Variants in STON2 observed in about 807,000 individuals in gnomAD.
STON2 encodes the protein stonin 2.
STON2 carries 29 observed loss-of-function variants against 65.7 expected under a neutral mutation model. That is an observed-to-expected ratio of 0.44 (90% confidence interval 0.33 to 0.60). The LOEUF is 0.60. Among genes scored for constraint, STON2 ranks in the 20% least tolerant of loss-of-function variants. The probability of loss-of-function intolerance (pLI) is 0.03; values close to 1 mark genes in which losing one functional copy is unlikely to be tolerated. For missense variants in STON2, 1,054 were observed against 1,118.1 expected, an observed-to-expected ratio of 0.94 and a Z score of 0.82; for synonymous variants, 404 against 414.2, an observed-to-expected ratio of 0.98 and a Z score of 0.30.
At chr14:81,310,275 C>A (rs1265544165) in intron 5 of STON2, among the ~76,000 whole-genome samples, 1 of 152,088 alleles carries the variant, frequency 6.6e-6, no homozygotes, top group East Asian at 1.9e-4. Context: ...AAATATAGTA[C>A]CATCCTGCAG....
intron 4 of STON2, chr14:81,333,374 T>C: frequency 2.1e-6 from 1 of 471,534 alleles, no homozygotes; most frequent in East Asian, 3.8e-5. Flanking sequence ...TGGCGGTCTA[T>C]CCTCAGACAG....
intron 5 of STON2, among the ~76,000 whole-genome samples, chr14:81,285,895 C>A (rs1345426993): frequency 6.6e-6 from 1 of 152,202 alleles, no homozygotes; most frequent in Non-Finnish European, 1.5e-5. Flanking sequence ...TGCCTGTAAT[C>A]CCAGCATTTT....
Position 81,339,875 on chromosome 14 carries a change from C to T in STON2, c.572-15688G>A, listed in dbSNP as rs1393386543. Among the ~76,000 whole-genome samples, 3 of 152,358 alleles carry T rather than the reference C, an allele frequency of 2.0e-5. No individual in the cohort carries two copies. In the East Asian group the frequency reaches 5.8e-4, roughly 29 times the overall value. ...GACTCTCAAAATAAGCTGAGTAACG[C>T]TGGGCGTGGTGGCTCACGCCTGTAA... On this transcript the variant is annotated intron_variant, in intron 4 of 7. Coordinates refer to ENST00000614646, the MANE Select transcript of STON2 (RefSeq NM_001394390.1).
At chr14:81,341,430 T>A (rs1897603059) in intron 4 of STON2, among the ~76,000 whole-genome samples, 1 of 150,376 alleles carries the variant, frequency 6.6e-6, no homozygotes, top group East Asian at 2.0e-4. Flanking sequence ...GCTTTATATT[T>A]CCTCATTTTA....
chr14:81,331,501 G>A (rs1465912971), intron 4 of STON2, among the ~76,000 whole-genome samples: 5 of 152,274 alleles, frequency 3.3e-5, no homozygotes, highest in African/African-American at 1.2e-4. Context: ...ATACTACTGG[G>A]AGGGGGGGTA....
At chr14:81,390,930 TG>T (rs1403052687) in intron 3 of STON2, among the ~76,000 whole-genome samples, 1 of 152,258 alleles carries the variant, frequency 6.6e-6, no homozygotes, top group Non-Finnish European at 1.5e-5. Context: ...TCCTTGGCTG[TG>T]GCTTCATCAC....
intron 5 of STON2, among the ~76,000 whole-genome samples, chr14:81,296,891 TTTCTTAAGA>T (rs1215290756): frequency 2.0e-4 from 31 of 152,156 alleles, no homozygotes; most frequent in Non-Finnish European, 4.3e-4. Flanking sequence ...TATCTAAAAC[TTTCTTAAGA>T]TTTCTGATTA....
chr14:81,390,283 T>C (rs189445004), intron 3 of STON2, among the ~76,000 whole-genome samples: 1 of 152,060 alleles, frequency 6.6e-6, no homozygotes, highest in East Asian at 1.9e-4. Context: ...GCAGCACAGG[T>C]TGGCTCTGGT....
chr14:81,306,218 C>T, intron 5 of STON2, among the ~76,000 whole-genome samples: 1 of 36,954 alleles, frequency 2.7e-5, no homozygotes, highest in Admixed American at 3.3e-4. Context: ...CACATACATA[C>T]TCTTTTTTTT....
chr14:81,271,475 G>A (rs186659829), intron 6 of STON2, among the ~76,000 whole-genome samples: 94 of 152,298 alleles, frequency 6.2e-4, no homozygotes, highest in African/African-American at 2.1e-3. Context: ...CAGCTCCCCT[G>A]CTAAGCAGCA....
At chr14:81,270,948 G>C in intron 6 of STON2, 76 bp from the exon 7 acceptor site, 1 of 1,533,368 alleles carries the variant, frequency 6.5e-7, no homozygotes, top group East Asian at 2.3e-5. Flanking sequence ...AGCCACTTTG[G>C]TAATAAAGGA....
At chr14:81,379,131 A>T (rs1015311976) in intron 3 of STON2, among the ~76,000 whole-genome samples, 1 of 152,248 alleles carries the variant, frequency 6.6e-6, no homozygotes, top group Admixed American at 6.5e-5. Flanking sequence ...TAACCAAAAG[A>T]CTTTACCAAT....
At chr14:81,308,781 C>CATATATATAT (rs57821672) in intron 5 of STON2, among the ~76,000 whole-genome samples, 50 of 8,926 alleles carry the variant, frequency 5.6e-3, no homozygotes, top group East Asian at 0.012. Flanking sequence ...TGGTTTTACC[C>CATATATATAT]ATATATATAT....
chr14:81,396,140 G>C lies in STON2; in HGVS notation c.127C>G (p.Pro43Ala). 6.2e-7 allele frequency: 1 copy of C among 1,613,952 alleles called. No homozygotes were observed. The highest frequency in any genetic ancestry group is 1.1e-5 in the South Asian group (1 of 91,062). Residue 43 changes from proline to alanine, a missense_variant, in exon 3 of 8, where the codon CCA (proline) becomes GCA (alanine). Physicochemically the swap from Pro to Ala is conservative, Grantham distance 27 (BLOSUM62 -1). Coordinates refer to ENST00000614646, the MANE Select transcript of STON2 (RefSeq NM_001394390.1). ...CCGGAGGAGCTCTCGGACTGGTCTG[G>C]GGAAGATGACAGTCCTGGGAGGTGC... ...EEHLPGLSSSPDQSESSSGEN... is the reference protein window; with the variant it reads ...EEHLPGLSSSADQSESSSGEN...
intron 6 of STON2, among the ~76,000 whole-genome samples, chr14:81,273,333 T>A (rs1894672299): frequency 6.6e-6 from 1 of 152,224 alleles, no homozygotes; most frequent in Admixed American, 6.5e-5. Context: ...GTCATTTCCC[T>A]TGATGAGGTT....
At chr14:81,359,882 A>C (rs1170932800) in intron 4 of STON2, among the ~76,000 whole-genome samples, 1 of 152,206 alleles carries the variant, frequency 6.6e-6, no homozygotes, top group Non-Finnish European at 1.5e-5. Flanking sequence ...AAAACAAACA[A>C]ACAAACAAAA....
At chr14:81,309,391 A>G (rs1566901814) in intron 5 of STON2, among the ~76,000 whole-genome samples, 4 of 152,212 alleles carry the variant, frequency 2.6e-5, no homozygotes, top group Non-Finnish European at 4.4e-5. Context: ...AACAATATCT[A>G]TTATATCTTG....
chr14:81,307,674 C>T (rs1269792229), intron 5 of STON2, among the ~76,000 whole-genome samples: 2 of 152,244 alleles, frequency 1.3e-5, no homozygotes, highest in East Asian at 3.8e-4. Flanking sequence ...ACAACCCCTC[C>T]TCTTCCTCAG....
rs1894295494 is a variant in STON2, at chr14:81,264,877, T to G, written c.*3537A>C. On this transcript the variant is annotated 3_prime_UTR_variant, in exon 8 of 8. Transcript: ENST00000614646. ...GGTCTCCCCACAAAGTGCCTCACAT[T>G]GTCTTGTCTGACATGTCATGAGTAC... is the stretch of plus-strand genomic sequence containing the variant. 1 of 985,292 alleles carries G rather than the reference T, an allele frequency of 1.0e-6. No homozygotes were observed. Among genetic ancestry groups the G allele is most frequent in the Non-Finnish European group, 1.2e-6 (1 of 829,926 alleles). 61.0% of individuals were successfully genotyped at this position (985,292 alleles called of 1,614,324 possible).
Sources: gnomAD v4.1 joint callset for allele counts (sites outside exome capture counted in the v4.1 genomes callset) on GRCh38, gnomAD v4.1.1 for gene constraint, MANE v1.5 for transcripts, NCBI Gene and HGNC (gene_info 2026-07-23, HGNC 2026-07-21) for gene names.